The following POLN variants were observed in gnomAD, a reference collection of about 807,000 sequenced individuals.
POLN encodes DNA polymerase N.
POLN carries 108 observed loss-of-function variants against 113.5 expected under a neutral mutation model. The observed-to-expected ratio is 0.95, with a 90% CI of 0.81 to 1.12. POLN has a LOEUF of 1.12. Ranked by LOEUF, POLN falls within the 50% of genes most tolerant of loss-of-function variation. POLN has a pLI of 0.00. For synonymous variants in POLN, 386 were observed against 391.5 expected (o/e 0.99, Z 0.17); for missense variants, 1,097 against 1,077.1 (o/e 1.02, Z -0.26).
chr4:2,173,513 C>T (rs911934381), intron 11 of POLN, among the ~76,000 whole-genome samples: 40 of 152,048 alleles, frequency 2.6e-4, no homozygotes, highest in Non-Finnish European at 4.4e-5. Flanking sequence ...TTTGCCCCGC[C>T]CCGCCACTGC....
intron 19 of POLN, among the ~76,000 whole-genome samples, chr4:2,098,263 TA>T (rs1390556808): frequency 6.6e-6 from 1 of 151,506 alleles, no homozygotes. Context: ...AAATGAAAAA[TA>T]AAAAATTAGC....
At chr4:2,217,708 G>T (rs964628954) in intron 3 of POLN, among the ~76,000 whole-genome samples, 1 of 152,222 alleles carries the variant, frequency 6.6e-6, no homozygotes, top group Non-Finnish European at 1.5e-5. Context: ...AGATTCTTCT[G>T]TTGGGGCTTT....
chr4:2,075,869 G>A (rs1730262439), intron 23 of POLN, among the ~76,000 whole-genome samples: 1 of 152,188 alleles, frequency 6.6e-6, no homozygotes, highest in African/African-American at 2.4e-5. Flanking sequence ...GGGGCTGGGT[G>A]CCCCGTGTCC....
chr4:2,143,020 GA>G (rs1262764267), intron 16 of POLN, among the ~76,000 whole-genome samples: 1 of 151,966 alleles, frequency 6.6e-6, no homozygotes, highest in African/African-American at 2.4e-5. Flanking sequence ...GTTTAACTCT[GA>G]TGCAATTTTT....
chr4:2,090,187 C>T, intron 20 of POLN: 1 of 913,282 alleles, frequency 1.1e-6, no homozygotes, highest in South Asian at 1.6e-5. Context: ...GACTCCTTAC[C>T]TTTTGCTATC....
At chr4:2,098,845 G>A (rs369302592) in intron 19 of POLN, among the ~76,000 whole-genome samples, 9 of 152,158 alleles carry the variant, frequency 5.9e-5, no homozygotes, top group African/African-American at 1.9e-4. Flanking sequence ...AAACATACAA[G>A]ATGAACCTGG....
intron 5 of POLN, among the ~76,000 whole-genome samples, chr4:2,201,997 C>T (rs1452151820): frequency 6.6e-6 from 1 of 152,068 alleles, no homozygotes; most frequent in South Asian, 2.1e-4. Flanking sequence ...ACTACCAGGC[C>T]AGCACTACAA....
At chr4:2,188,318 G>A (rs186681448) in intron 7 of POLN, among the ~76,000 whole-genome samples, 219 of 152,198 alleles carry the variant, frequency 1.4e-3, no homozygotes, top group African/African-American at 4.8e-3. Flanking sequence ...AAAAAAACAC[G>A]GGCCGGGCGC....
Position 2,159,219 on chromosome 4 carries a change from T to A in POLN, c.1555-8A>T, listed in dbSNP as rs976464415. The A allele has an allele frequency of 6.3e-7, 1 of 1,590,992 alleles. No individual in the cohort carries two copies. Among genetic ancestry groups the A allele is most frequent in the Non-Finnish European group, 8.6e-7 (1 of 1,161,572 alleles). On this transcript the variant is annotated splice_polypyrimidine_tract_variant and splice_region_variant and intron_variant, in intron 13 of 25. Coordinates refer to ENST00000511885, the MANE Select transcript of POLN (RefSeq NM_181808.4). The stretch of plus-strand genomic sequence containing the variant: ...GTCTCGCAGAGCATTTAACTAAACA[T>A]GAAAATAGATACTACCAATGTAATT...
chr4:2,236,613 C>G (rs1315999537), intron 2 of POLN, among the ~76,000 whole-genome samples: 1 of 152,032 alleles, frequency 6.6e-6, no homozygotes, highest in Non-Finnish European at 1.5e-5. Context: ...AATCCTAGCA[C>G]TTTGGGAGGC....
intron 19 of POLN, among the ~76,000 whole-genome samples, chr4:2,098,549 A>C (rs1730850290): frequency 6.6e-6 from 1 of 152,244 alleles, no homozygotes; most frequent in Non-Finnish European, 1.5e-5. Context: ...CAAGAGAAGG[A>C]GCTAGAATGA....
intron 20 of POLN, chr4:2,089,133 C>T: frequency 8.1e-7 from 1 of 1,228,216 alleles, no homozygotes; most frequent in Non-Finnish European, 1.2e-6. Context: ...TTATAAGGAC[C>T]CTAAGATCAA....
Position 2,193,302 on chromosome 4 carries a change from T to C in POLN, c.923A>G (p.Gln308Arg), listed in dbSNP as rs372623502. The change falls in exon 7 of 26, where the codon CAA becomes CGA. Residue 308 changes from glutamine to arginine, a missense_variant. Gln to Arg is a conservative substitution (Grantham distance 43). Coordinates refer to ENST00000511885, the MANE Select transcript of POLN (RefSeq NM_181808.4). ...AACAGGACATTTACATTTCATTGTT[T>C]GAAATAGCACGTTCCTAGAAGATGA... Reference protein sequence around the residue: ...HQQFARNVLFQTMKCKCPVIC... With the variant: ...HQQFARNVLFRTMKCKCPVIC... 2.2e-5 allele frequency: 35 copies of C among 1,599,374 alleles called. No individual in the cohort carries two copies. Among genetic ancestry groups the C allele is most frequent in the Non-Finnish European group, 2.8e-5 (33 of 1,171,344 alleles).
intron 19 of POLN, among the ~76,000 whole-genome samples, chr4:2,108,503 G>C (rs1453333946): frequency 6.6e-6 from 1 of 152,114 alleles, no homozygotes; most frequent in Non-Finnish European, 1.5e-5. Context: ...AATGCTCCTG[G>C]GTACAGAAAG....
chr4:2,160,633 T>C (rs1252120537), intron 13 of POLN, among the ~76,000 whole-genome samples: 1 of 152,190 alleles, frequency 6.6e-6, no homozygotes, highest in Admixed American at 6.5e-5. Context: ...GGTCTTAAAC[T>C]CCTGGCCTCA....
intron 11 of POLN, among the ~76,000 whole-genome samples, chr4:2,173,178 T>C (rs562791799): frequency 7.9e-5 from 12 of 152,216 alleles, no homozygotes; most frequent in Non-Finnish European, 1.5e-4. Flanking sequence ...GGGGTTCTGA[T>C]AGGGAAAGCA....
chr4:2,096,134 G>A, intron 19 of POLN, among the ~76,000 whole-genome samples: 1 of 152,206 alleles, frequency 6.6e-6, no homozygotes, highest in East Asian at 1.9e-4. Flanking sequence ...CTTCGGCGAG[G>A]CTGCAGCAGC....
rs1013828541 is a variant in POLN at position 2,126,902 on chromosome 4, C to T, written c.1982+1211G>A. On this transcript the variant is annotated intron_variant, in intron 19 of 25. Coordinates refer to ENST00000511885, the MANE Select transcript of POLN (RefSeq NM_181808.4). The surrounding 1 kb of genome is among the most constrained non-coding windows in gnomAD (Gnocchi z 4.6). ...GCAGCCAGAGCCCTCGCAGGTCCCC[C>T]GCCTTCAGCAAAGACAGAGGCGGAG... Among the ~76,000 whole-genome samples, 2 of 152,140 alleles carry T rather than the reference C, an allele frequency of 1.3e-5. No individual in the cohort carries two copies. The highest frequency in any genetic ancestry group is 2.1e-4 in the South Asian group (1 of 4,818).
At chr4:2,104,296 A>T (rs923159770) in intron 19 of POLN, among the ~76,000 whole-genome samples, 1 of 152,232 alleles carries the variant, frequency 6.6e-6, no homozygotes. Context: ...TGTTCTGCTG[A>T]CAGACAGTTA....
Sources: allele counts gnomAD v4.1 joint callset (sites outside exome capture counted in the v4.1 genomes callset), GRCh38; gene constraint gnomAD v4.1.1; non-coding constraint Gnocchi (gnomAD v3.1); transcripts MANE v1.5; gene names NCBI Gene and HGNC (gene_info 2026-07-23, HGNC 2026-07-21).